TXNDC5: variants seen among roughly 807,000 people sequenced by gnomAD.
The protein encoded by TXNDC5 is thioredoxin domain-containing protein 5.
Under a neutral mutation model 52.6 loss-of-function variants are expected in TXNDC5, and 44 were observed. The observed-to-expected ratio is 0.84, with a 90% confidence interval of 0.66 to 1.08. The LOEUF (loss-of-function observed/expected upper bound fraction) is 1.08, where lower values mean the gene tolerates loss of function less well. Ranked by LOEUF, TXNDC5 falls within the 50% of genes least tolerant of loss-of-function variation. The pLI, the probability that TXNDC5 is intolerant of heterozygous loss-of-function variation, is 0.00. For missense variants in TXNDC5, 600 were observed against 565.5 expected (o/e 1.06, Z -0.62); for synonymous variants, 241 against 234.4 (o/e 1.03, Z -0.26).
Position 7,883,092 on chromosome 6 carries a change from C to G in TXNDC5, c.*52G>C. 6.2e-7 allele frequency: 1 copy of G among 1,612,134 alleles called. No individual in the cohort carries two copies. Among genetic ancestry groups the G allele is most frequent in the Admixed American group, 1.7e-5 (1 of 59,958 alleles). ...CAGTGGCCTCTGTGGGACTGAACTC[C>G]TAAACGCAGGGTGCGGGAGCTGGGC... On this transcript the variant is annotated 3_prime_UTR_variant, in exon 10 of 10. Transcript: ENST00000379757.
At chr6:7,900,131 G>A (rs1760513639) in intron 2 of TXNDC5, 1 of 152,538 alleles carries the variant, frequency 6.6e-6, no homozygotes, top group Non-Finnish European at 1.5e-5. Flanking sequence ...CTCTTACAAG[G>A]CCTGAATATC....
In TXNDC5 at chr6:7,883,209, T is replaced by C. The variant is rs1010313018; in HGVS notation, c.1234A>G (p.Ser412Gly). Reference protein sequence around the residue: ...FRGGKKVSEHSGGRDLDSLHR... With the variant: ...FRGGKKVSEHGGGRDLDSLHR... Reference sequence around the variant, plus strand: ...AACGAGTCAAGGTCTCTGCCTCCACTGTGCTCACTGACTTTCTTCCCTCCT... The same window carrying C: ...AACGAGTCAAGGTCTCTGCCTCCACCGTGCTCACTGACTTTCTTCCCTCCT... Residue 412 changes from serine (S) to glycine (G), a missense_variant, in exon 10 of 10, where the codon AGT (serine) becomes GGT (glycine). Transcript: ENST00000379757. 2 of 1,614,216 alleles carry C rather than the reference T, an allele frequency of 1.2e-6. No individual in the cohort carries two copies. Among genetic ancestry groups the C allele is most frequent in the Non-Finnish European group, 1.7e-6 (2 of 1,180,020 alleles).
chr6:7,882,927 G>A lies in TXNDC5; in HGVS notation c.*217C>T, dbSNP rs200153798. The A allele has an allele frequency of 1.3e-5, 7 of 549,040 alleles. No homozygotes were observed. The East Asian group carries it at 2.2e-4, about 17-fold the overall frequency. 34.0% of individuals were successfully genotyped at this position (549,040 alleles called of 1,614,324 possible). ...TCGCCACTGAAAATGTTTACACAGTGACCATGAGTTACACATTTACTTAGA... is the reference window on the plus strand; with the variant it reads ...TCGCCACTGAAAATGTTTACACAGTAACCATGAGTTACACATTTACTTAGA... On this transcript the variant is annotated 3_prime_UTR_variant, in exon 10 of 10. Transcript: ENST00000379757.
chr6:7,889,284 A>G, intron 6 of TXNDC5: 1 of 540,308 alleles, frequency 1.9e-6, no homozygotes, highest in South Asian at 2.6e-5. Context: ...TCTAGTGATA[A>G]CCTGGGCCAC....
At chr6:7,902,218 G>A (rs898948711) in intron 2 of TXNDC5, among the ~76,000 whole-genome samples, 8 of 152,170 alleles carry the variant, frequency 5.3e-5, no homozygotes, top group Non-Finnish European at 8.8e-5. Flanking sequence ...TGGCCTCCAG[G>A]ACTGCAGAGA....
rs1389036128 is a variant in TXNDC5, at chr6:7,910,750, G to C, written c.27C>G (p.Leu9=). ...GGGCCGCCGGCCGGGCCAGCAGCGGGAGGAGGCGTCCTGGGCGCGCGGGCA... is the reference window on the plus strand; with the variant it reads ...GGGCCGCCGGCCGGGCCAGCAGCGGCAGGAGGCGTCCTGGGCGCGCGGGCA... The part of the protein sequence containing the change: MPARPGRL[L]PLLARPAALT... Residue 9 remains leucine, a synonymous_variant, in exon 1 of 10, where the codon CTC becomes CTG. Transcript: ENST00000379757. The C allele has an allele frequency of 3.0e-5, 30 of 1,008,108 alleles. No homozygotes were observed. The highest frequency in any genetic ancestry group is 3.5e-5 in the Non-Finnish European group (30 of 848,088). 62.4% of individuals were successfully genotyped at this position (1,008,108 alleles called of 1,614,324 possible). A position where few individuals can be genotyped will look rare whatever the true frequency, so the allele number is the denominator to read the frequency against.
chr6:7,908,306 T>C (rs1396182652), intron 1 of TXNDC5, among the ~76,000 whole-genome samples: 3 of 113,208 alleles, frequency 2.6e-5, no homozygotes, highest in Admixed American at 8.8e-5. Context: ...AAAAAAAAAG[T>C]AACAACATAA....
chr6:7,892,040 G>A (rs374704198), intron 4 of TXNDC5, among the ~76,000 whole-genome samples: 54 of 152,302 alleles, frequency 3.5e-4, no homozygotes, highest in African/African-American at 7.7e-4. Flanking sequence ...GCACTGTACC[G>A]CTGAATAACC....
intron 9 of TXNDC5, among the ~76,000 whole-genome samples, chr6:7,884,043 AATC>A (rs1581304365): frequency 6.6e-6 from 1 of 152,246 alleles, no homozygotes. Flanking sequence ...ACCACTGGTC[AATC>A]ATCAAGAGTC....
Position 7,883,180 on chromosome 6 carries a change from G to A in TXNDC5, c.1263C>T (p.His421=), listed in dbSNP as rs756270234. ...HSGGRDLDSL[H]RFVLSQAKDE... ...CTTTCGCTTGGCTCAGGACAAAGCG[G>A]TGTAACGAGTCAAGGTCTCTGCCTC... Residue 421 remains histidine, a synonymous_variant, in exon 10 of 10, where the codon CAC becomes CAT. Coordinates refer to ENST00000379757, the MANE Select transcript of TXNDC5 (RefSeq NM_030810.5). The A allele has an allele frequency of 8.7e-6, 14 of 1,614,074 alleles. No homozygotes were observed. Among genetic ancestry groups the A allele is most frequent in the Non-Finnish European group, 1.0e-5 (12 of 1,180,040 alleles).
At chr6:7,892,569 T>G (rs1760233242) in intron 4 of TXNDC5, among the ~76,000 whole-genome samples, 1 of 152,204 alleles carries the variant, frequency 6.6e-6, no homozygotes, top group Admixed American at 6.5e-5. Flanking sequence ...TTCCCACATG[T>G]CGTGGGAGGG....
chr6:7,899,669 G>A lies in TXNDC5; in HGVS notation c.426C>T (p.Phe142=). 1.9e-6 allele frequency: 3 copies of A among 1,613,926 alleles called. No homozygotes were observed. Among genetic ancestry groups the A allele is most frequent in the South Asian group, 1.1e-5 (1 of 91,048 alleles). ...ACTTCACAGCTTCTTGGCCTGGCTTGAAAAGCTTTAAGCTGAAAGAATAAC... is the reference window on the plus strand; with the variant it reads ...ACTTCACAGCTTCTTGGCCTGGCTTAAAAAGCTTTAAGCTGAAAGAATAAC... ...GVRGYPTLKL[F]KPGQEAVKYQ... Residue 142 remains phenylalanine, a synonymous_variant, in exon 3 of 10, where the codon TTC becomes TTT. Transcript: ENST00000379757.
At chr6:7,888,055 C>G (rs937012576) in intron 7 of TXNDC5, among the ~76,000 whole-genome samples, 2 of 152,244 alleles carry the variant, frequency 1.3e-5, no homozygotes, top group South Asian at 4.1e-4. Flanking sequence ...CCTCAGAGAC[C>G]TGTATGCTTC....
chr6:7,902,680 T>G (rs1339843163), intron 2 of TXNDC5, among the ~76,000 whole-genome samples: 2 of 152,078 alleles, frequency 1.3e-5, no homozygotes, highest in East Asian at 3.9e-4. Flanking sequence ...TTCTTGGAGC[T>G]TCTGCAGGGC....
chr6:7,893,044 AT>A (rs1033972060), intron 4 of TXNDC5, among the ~76,000 whole-genome samples: 6 of 152,200 alleles, frequency 3.9e-5, no homozygotes, highest in African/African-American at 1.4e-4. Context: ...TCTGTATTAT[AT>A]TTTATCATAA....
chr6:7,888,232 A>ACAGT (rs755768155), intron 7 of TXNDC5, among the ~76,000 whole-genome samples: 1 of 152,222 alleles, frequency 6.6e-6, no homozygotes, highest in East Asian at 1.9e-4. Flanking sequence ...GGTTACAGCT[A>ACAGT]CAGTCACTGG....
intron 6 of TXNDC5, chr6:7,889,077 C>T (rs1225945): frequency 0.32 from 171,557 of 534,148 alleles, 31,876 homozygotes; most frequent in East Asian, 0.69. Context: ...TTACACATCA[C>T]AGAAGTCTGG....
Position 7,888,731 on chromosome 6 carries a change from G to C in TXNDC5, c.937C>G (p.Leu313Val). 6.2e-7 allele frequency: 1 copy of C among 1,613,180 alleles called. No individual in the cohort carries two copies. Among genetic ancestry groups the C allele is most frequent in the Non-Finnish European group, 8.5e-7 (1 of 1,179,784 alleles). The part of the protein sequence containing the change: ...ETVTPSEAPV[L>V]AAEPEADKGT... ...TTGTCAGCCTCGGGCTCAGCTGCCA[G>C]CACCGGGGCCTCTGAGGGCGTGACG... is the stretch of plus-strand genomic sequence containing the variant. Residue 313 changes from leucine (L) to valine (V), a missense_variant, in exon 7 of 10, where the codon CTG (leucine) becomes GTG (valine). Transcript: ENST00000379757.
intron 2 of TXNDC5, among the ~76,000 whole-genome samples, 157 bp downstream of exon 2, chr6:7,904,417 T>C (rs1760670114): frequency 6.6e-6 from 1 of 152,206 alleles, no homozygotes; most frequent in Non-Finnish European, 1.5e-5. Flanking sequence ...ATAAAAGCCA[T>C]CTAAAACAGA....
Sources: gnomAD v4.1 joint callset for allele counts (sites outside exome capture counted in the v4.1 genomes callset) on GRCh38, gnomAD v4.1.1 for gene constraint, MANE v1.5 for transcripts, NCBI Gene and HGNC (gene_info 2026-07-23, HGNC 2026-07-21) for gene names.